The following MDN1 variants were observed in gnomAD, a reference collection of about 807,000 sequenced individuals.
The protein encoded by MDN1 is midasin AAA ATPase 1, also known as midasin.
Under a neutral mutation model 669.2 loss-of-function variants are expected in MDN1, and 266 were observed. That is an observed-to-expected ratio of 0.40 (90% CI 0.36 to 0.44). The LOEUF is 0.44. MDN1 is among the 20% of genes least tolerant of loss of function. The pLI is 1.00. For missense variants in MDN1, 5,940 were observed against 6,754.0 expected, an observed-to-expected ratio of 0.88 and a Z score of 4.22; for synonymous variants, 2,385 against 2,457.1, an observed-to-expected ratio of 0.97 and a Z score of 0.87.
intron 15 of MDN1, among the ~76,000 whole-genome samples, chr6:89,766,922 A>AT (rs979011014): frequency 1.3e-5 from 2 of 151,486 alleles, no homozygotes; most frequent in African/African-American, 4.9e-5. Flanking sequence ...ATTTTCCTCT[A>AT]TTTTTTTTCT....
At chr6:89,750,834 C>T (rs1326711016) in intron 23 of MDN1, among the ~76,000 whole-genome samples, 1 of 151,942 alleles carries the variant, frequency 6.6e-6, no homozygotes, top group Non-Finnish European at 1.5e-5. Flanking sequence ...AAACCCTGGG[C>T]TCAAGTGATC....
chr6:89,695,556 C>A lies in MDN1; in HGVS notation c.9771+49G>T, dbSNP rs750494759. 6.5e-7 allele frequency: 1 copy of A among 1,531,710 alleles called. No homozygotes were observed. The highest frequency in any genetic ancestry group is 8.8e-7 in the Non-Finnish European group (1 of 1,137,208). The allele number at this position is 1,531,710 out of a possible 1,614,324, so 94.9% of individuals were successfully genotyped here. A position where few individuals can be genotyped will look rare whatever the true frequency, so the allele number is the denominator to read the frequency against. ...AAAAGGAGTAATACAATAAGCAAAC[C>A]CAGCACGTCAGGGAAGGAGCCCATG... is the stretch of plus-strand genomic sequence containing the variant. On this transcript the variant is annotated intron_variant, in intron 61 of 101. Transcript: ENST00000369393. This position sits in a 1 kb window ranked among gnomAD's most constrained non-coding sequence, Gnocchi z 4.1.
chr6:89,802,070 G>A (rs961587123), intron 2 of MDN1, among the ~76,000 whole-genome samples: 1 of 152,160 alleles, frequency 6.6e-6, no homozygotes, highest in African/African-American at 2.4e-5. Context: ...GTTTAATCAA[G>A]GTGAAGAGAA....
chr6:89,651,944 G>C (rs1012641662), intron 95 of MDN1, among the ~76,000 whole-genome samples: 6 of 152,028 alleles, frequency 3.9e-5, no homozygotes, highest in African/African-American at 1.5e-4. Context: ...ATCCATTACA[G>C]AGCCAGCAAC....
At chr6:89,669,207 G>A (rs112679404) in intron 83 of MDN1, among the ~76,000 whole-genome samples, 9 of 152,250 alleles carry the variant, frequency 5.9e-5, no homozygotes, top group African/African-American at 2.2e-4. Context: ...TCAGACAAAA[G>A]CTACGGTACA....
chr6:89,816,823 C>T (rs997740378), intron 1 of MDN1, among the ~76,000 whole-genome samples: 1 of 151,816 alleles, frequency 6.6e-6, no homozygotes, highest in Non-Finnish European at 1.5e-5. Context: ...TACAGGTGCC[C>T]GCCACCATGC....
intron 32 of MDN1, among the ~76,000 whole-genome samples, chr6:89,738,702 G>A (rs1411382656): frequency 1.3e-5 from 2 of 152,130 alleles, no homozygotes; most frequent in African/African-American, 4.8e-5. Context: ...AGACTAAGTG[G>A]TGGAAGCAGG....
chr6:89,655,334 C>T (rs1330403148), intron 92 of MDN1, among the ~76,000 whole-genome samples: 1 of 152,106 alleles, frequency 6.6e-6, no homozygotes, highest in Non-Finnish European at 1.5e-5. Flanking sequence ...ATTCATAGCA[C>T]CTGTCAGTGC....
chr6:89,749,404 G>A (rs375196810), intron 25 of MDN1, 35 bp from the exon 26 acceptor site: 3 of 1,606,268 alleles, frequency 1.9e-6, no homozygotes, highest in Middle Eastern at 1.7e-4. Flanking sequence ...AGTAAAAGGT[G>A]CCTTTTAATT....
Position 89,758,914 on chromosome 6 carries a change from T to C in MDN1, c.2507A>G (p.Asp836Gly). The C allele has an allele frequency of 1.2e-6, 2 of 1,613,934 alleles. No homozygotes were observed. Among genetic ancestry groups the C allele is most frequent in the Non-Finnish European group, 1.7e-6 (2 of 1,179,798 alleles). The change falls in exon 18 of 102, where the codon GAT (aspartate) becomes GGT (glycine). Residue 836 changes from aspartate to glycine, a missense_variant. Asp to Gly is a moderately conservative substitution (Grantham distance 94, BLOSUM62 -1). Coordinates refer to ENST00000369393, the MANE Select transcript of MDN1 (RefSeq NM_014611.3). ...TTCTGGAGCAGCCAAGTTAATCTCATCCAACAAGATCCACTCTCCTTTCTT... is the reference window on the plus strand; with the variant it reads ...TTCTGGAGCAGCCAAGTTAATCTCACCCAACAAGATCCACTCTCCTTTCTT... ...AVKKGEWILLDEINLAAPEIL... is the reference protein window; with the variant it reads ...AVKKGEWILLGEINLAAPEIL...
Position 89,781,565 on chromosome 6 carries a change from A to G in MDN1, c.1477T>C (p.Leu493=), listed in dbSNP as rs1818674038. 5.6e-6 allele frequency: 9 copies of G among 1,608,516 alleles called. No individual in the cohort carries two copies. The highest frequency in any genetic ancestry group is 1.1e-5 in the South Asian group (1 of 90,526). The change falls in exon 10 of 102, where the codon TTG becomes CTG. Residue 493 remains leucine, a synonymous_variant. Transcript: ENST00000369393. ...TCAAGCAGGTGATCAACCACTGCCA[A>G]TAGGCTAGGATATCTGCTCTGAAGA... ...EVLQSRYPSL[L]AVVDHLLDIY... is the part of the protein sequence containing the mutation.
rs1810713389 is a variant in MDN1 at position 89,671,009 on chromosome 6, G to T, written c.13866C>A (p.Leu4622=). 2.5e-6 allele frequency: 4 copies of T among 1,614,178 alleles called. No individual in the cohort carries two copies. The highest frequency in any genetic ancestry group is 4.5e-5 in the East Asian group (2 of 44,884). Residue 4622 remains leucine, a synonymous_variant, in exon 83 of 102, where the codon CTC becomes CTA. Transcript: ENST00000369393. The part of the protein sequence containing the change: ...PVLSSYSDLV[L]FFLTMSLATH... The stretch of plus-strand genomic sequence containing the variant: ...TTGCTAAAGACATGGTCAGGAAGAA[G>T]AGGACGAGGTCTGAGTAGCTGGAGA...
At chr6:89,773,754 C>T (rs1297275760) in intron 13 of MDN1, among the ~76,000 whole-genome samples, 1 of 151,704 alleles carries the variant, frequency 6.6e-6, no homozygotes, top group African/African-American at 2.4e-5. Context: ...CACCTGAGGT[C>T]AGGAGTTCAA....
chr6:89,752,271 T>A (rs1816996460), intron 22 of MDN1, among the ~76,000 whole-genome samples: 2 of 152,258 alleles, frequency 1.3e-5, no homozygotes, highest in Middle Eastern at 3.4e-3. Flanking sequence ...GGAGGAAGGA[T>A]CTTTTTAAGT....
intron 61 of MDN1, 80 bp from the exon 62 acceptor site, chr6:89,694,263 G>T: frequency 8.2e-7 from 1 of 1,215,394 alleles, no homozygotes; most frequent in Non-Finnish European, 1.2e-6. Context: ...GGGACACGTA[G>T]AGGAACAAGA....
chr6:89,707,781 C>T (rs1328942872), intron 51 of MDN1, among the ~76,000 whole-genome samples: 6 of 152,302 alleles, frequency 3.9e-5, no homozygotes, highest in African/African-American at 1.4e-4. Flanking sequence ...GTTGGTGGAG[C>T]AGAGGAGTAG....
At chr6:89,709,800 CT>C (rs1813759872) in intron 50 of MDN1, among the ~76,000 whole-genome samples, 1 of 152,150 alleles carries the variant, frequency 6.6e-6, no homozygotes, top group Non-Finnish European at 1.5e-5. Context: ...AATGTTTATT[CT>C]CTCACTCCTT....
chr6:89,692,252 T>TA (rs967197778), intron 63 of MDN1, among the ~76,000 whole-genome samples, 191 bp downstream of exon 63: 11 of 152,102 alleles, frequency 7.2e-5, no homozygotes, highest in Admixed American at 3.9e-4. Flanking sequence ...TTTAATCTCT[T>TA]AAAAATTGAG....
At chr6:89,772,048 G>A (rs1284749730) in intron 14 of MDN1, among the ~76,000 whole-genome samples, 2 of 152,120 alleles carry the variant, frequency 1.3e-5, no homozygotes, top group African/African-American at 4.8e-5. Context: ...TGAATCATGA[G>A]AGCCCAGAAG....
Sources: allele counts gnomAD v4.1 joint callset (sites outside exome capture counted in the v4.1 genomes callset), GRCh38; gene constraint gnomAD v4.1.1; non-coding constraint Gnocchi (gnomAD v3.1); transcripts MANE v1.5; gene names NCBI Gene and HGNC (gene_info 2026-07-23, HGNC 2026-07-21).